Variants in FRMPD4 observed in about 807,000 individuals in gnomAD.
FRMPD4 encodes FERM and PDZ domain containing 4, also known as FERM and PDZ domain-containing protein 4.
A neutral mutation model predicts 94.1 loss-of-function variants in FRMPD4; 22 were observed. The ratio of observed to expected loss-of-function variants is 0.23; its 90% confidence interval spans 0.17 to 0.33. The LOEUF (loss-of-function observed/expected upper bound fraction) is 0.33, where lower values mean the gene tolerates loss of function less well. Ranked by LOEUF, FRMPD4 falls within the 10% of genes least tolerant of loss-of-function variation. The pLI, the probability that FRMPD4 is intolerant of heterozygous loss-of-function variation, is 1.00. For synonymous variants in FRMPD4, 631 were observed against 548.6 expected, an observed-to-expected ratio of 1.15 and a Z score of -2.10; for missense variants, 1,111 against 1,339.9, an observed-to-expected ratio of 0.83 and a Z score of 2.67.
intron 3 of FRMPD4, among the ~76,000 whole-genome samples, chrX:11,951,882 A>G (rs2054226176): frequency 9.0e-6 from 1 of 111,219 alleles, no homozygotes; most frequent in African/African-American, 3.3e-5. Flanking sequence ...AACAACAACA[A>G]AAAATTAGCC....
chrX:12,657,231 T>C (rs188632689), intron 4 of FRMPD4, among the ~76,000 whole-genome samples: 22 of 112,142 alleles, frequency 2.0e-4, no homozygotes, highest in African/African-American at 6.5e-4. Context: ...AATCAAGTTA[T>C]TGTCTGGGGC....
chrX:12,509,653 G>C, intron 2 of FRMPD4, among the ~76,000 whole-genome samples: 1 of 110,728 alleles, frequency 9.0e-6, no homozygotes, highest in Middle Eastern at 4.6e-3. Context: ...TCGGGTGATG[G>C]GTGCGCCAAA....
intron 3 of FRMPD4, among the ~76,000 whole-genome samples, chrX:11,887,543 CAT>C (rs772941941): frequency 8.9e-6 from 1 of 112,387 alleles, no homozygotes; most frequent in South Asian, 3.7e-4. Flanking sequence ...ACCCTTGCAA[CAT>C]ATGTTTGTAC....
intron 4 of FRMPD4, among the ~76,000 whole-genome samples, chrX:12,668,175 G>A (rs770866489): frequency 9.0e-6 from 1 of 110,526 alleles, no homozygotes; most frequent in African/African-American, 3.3e-5. Context: ...TGTTTTAAAT[G>A]GTGTAGATCA....
At chrX:12,361,762 C>T (rs754579855) in intron 1 of FRMPD4, among the ~76,000 whole-genome samples, 157 of 111,605 alleles carry the variant, frequency 1.4e-3, no homozygotes, top group Non-Finnish European at 2.4e-3. Flanking sequence ...TCTCACAGTT[C>T]TGGAGGTCAG....
intron 1 of FRMPD4, among the ~76,000 whole-genome samples, chrX:12,222,587 G>T (rs1490200094): frequency 8.9e-6 from 1 of 112,246 alleles, no homozygotes; most frequent in Non-Finnish European, 1.9e-5. Context: ...ATTGTCACAA[G>T]CATCTAGTTT....
chrX:12,053,438 A>AG (rs371907313), intron 3 of FRMPD4, among the ~76,000 whole-genome samples: 1,501 of 98,567 alleles, frequency 0.015, 18 homozygotes, highest in East Asian at 0.051. Context: ...AAGAGAAAGA[A>AG]AGAAGAGAAG....
At chrX:12,636,726 G>GA (rs1170123494) in intron 4 of FRMPD4, among the ~76,000 whole-genome samples, 3 of 111,368 alleles carry the variant, frequency 2.7e-5, no homozygotes, top group African/African-American at 9.8e-5. Context: ...TCCCACTGGG[G>GA]AAAAAAATAG....
chrX:11,840,218 A>G (rs1460397858), intron 1 of FRMPD4, among the ~76,000 whole-genome samples: 2 of 111,020 alleles, frequency 1.8e-5, no homozygotes, highest in Non-Finnish European at 3.8e-5. Context: ...ATGCTTCCCT[A>G]TTTGGTTAGA....
At chrX:11,950,468 G>A (rs1244959965) in intron 3 of FRMPD4, among the ~76,000 whole-genome samples, 1 of 111,629 alleles carries the variant, frequency 9.0e-6, no homozygotes, top group African/African-American at 3.3e-5. Context: ...ATACAACACA[G>A]TATTATTAAT....
intron 2 of FRMPD4, among the ~76,000 whole-genome samples, chrX:12,540,019 C>A (rs987876116): frequency 1.8e-5 from 2 of 111,969 alleles, no homozygotes; most frequent in Non-Finnish European, 3.8e-5. Flanking sequence ...AAATAAAATA[C>A]TTTACAGACA....
rs375183596 is a variant in FRMPD4 at position 12,335,917 on chromosome X, C to A, written c.42-162763C>A. Among the ~76,000 whole-genome samples, 19 of 112,343 alleles carry A rather than the reference C, an allele frequency of 1.7e-4. No individual in the cohort carries two copies. In the South Asian group the frequency reaches 6.7e-3, roughly 39 times the overall value. On this transcript the variant is annotated intron_variant, in intron 1 of 16. Coordinates refer to ENST00000675598, the MANE Select transcript of FRMPD4 (RefSeq NM_001368397.1). ...TTCGCCTCAATCACCTTACTTATGA[C>A]TCTAATTTGCACAGAAGCATTGACT...
chrX:12,408,384 C>T (rs1239175533), intron 1 of FRMPD4, among the ~76,000 whole-genome samples: 1 of 110,573 alleles, frequency 9.0e-6, no homozygotes, highest in Non-Finnish European at 1.9e-5. Flanking sequence ...GTTTTCATTT[C>T]TGATTTCAGA....
chrX:12,241,421 A>G (rs184405688), intron 1 of FRMPD4, among the ~76,000 whole-genome samples: 5 of 112,253 alleles, frequency 4.5e-5, no homozygotes, highest in Middle Eastern at 4.6e-3. Context: ...ATATCAAAAT[A>G]CTACTGCCAA....
chrX:12,066,861 T>C (rs1307489424), intron 3 of FRMPD4, among the ~76,000 whole-genome samples: 2 of 102,558 alleles, frequency 2.0e-5, no homozygotes, highest in African/African-American at 3.5e-5. Flanking sequence ...TCCCCAAGTT[T>C]TTTGTTTTTG....
intron 4 of FRMPD4, among the ~76,000 whole-genome samples, chrX:12,647,366 A>G (rs2059557511): frequency 8.9e-6 from 1 of 112,163 alleles, no homozygotes; most frequent in Non-Finnish European, 1.9e-5. Flanking sequence ...CCTCTTGGGG[A>G]GTTCCAGGAT....
chrX:12,505,380 G>T (rs2057970122), intron 2 of FRMPD4, among the ~76,000 whole-genome samples: 1 of 111,338 alleles, frequency 9.0e-6, no homozygotes, highest in African/African-American at 3.3e-5. Context: ...AGAGGACATG[G>T]AATCACCTTG....
At chrX:11,890,934 T>C (rs1040041553) in intron 3 of FRMPD4, among the ~76,000 whole-genome samples, 1 of 112,453 alleles carries the variant, frequency 8.9e-6, no homozygotes, top group African/African-American at 3.2e-5. Context: ...GGCACAGGCA[T>C]GTGACAGATG....
At chrX:12,605,671 A>G (rs1387640355) in intron 2 of FRMPD4, among the ~76,000 whole-genome samples, 1 of 110,710 alleles carries the variant, frequency 9.0e-6, no homozygotes, top group Non-Finnish European at 1.9e-5. Flanking sequence ...TAGCCTTCAG[A>G]TTGTTCCTGG....
Sources: gnomAD v4.1 joint callset for allele counts (sites outside exome capture counted in the v4.1 genomes callset) on GRCh38, gnomAD v4.1.1 for gene constraint, MANE v1.5 for transcripts, NCBI Gene and HGNC (gene_info 2026-07-23, HGNC 2026-07-21) for gene names.